CAPS2: variants seen among roughly 807,000 people sequenced by gnomAD.
The protein encoded by CAPS2 is calcyphosin-2.
CAPS2 carries 98 observed loss-of-function variants against 86.5 expected under a neutral mutation model. The ratio of observed to expected loss-of-function variants is 1.13; its 90% CI spans 0.96 to 1.34. The LOEUF is 1.34. Ranked by LOEUF, CAPS2 falls within the 40% of genes most tolerant of loss-of-function variation. The pLI, the probability that CAPS2 is intolerant of heterozygous loss-of-function variation, is 0.00. For missense variants in CAPS2, 729 were observed against 686.8 expected (o/e 1.06, Z -0.69); for synonymous variants, 210 against 225.1 (o/e 0.93, Z 0.60).
chr12:75,390,754 T>G lies in CAPS2; in HGVS notation c.-395+84A>C. 6.1e-6 allele frequency: 3 copies of G among 494,348 alleles called. No homozygotes were observed. The East Asian group carries it at 1.9e-4, about 31-fold the overall frequency. The allele number at this position is 494,348 out of a possible 1,614,324, so 30.6% of individuals were successfully genotyped here. On this transcript the variant is annotated intron_variant, in intron 1 of 5. Coordinates refer to the CAPS2 transcript ENST00000551829. The stretch of plus-strand genomic sequence containing the variant: ...ATTTACCATACAAACTGATGACTCA[T>G]TAATAACGACATATCATTCAGTGTC...
At chr12:75,315,473 T>G (rs2039661495) in intron 6 of CAPS2, among the ~76,000 whole-genome samples, 2 of 152,130 alleles carry the variant, frequency 1.3e-5, no homozygotes, top group South Asian at 4.1e-4. Flanking sequence ...ACTTGGGACA[T>G]CCACAGAAAA....
At chr12:75,328,909 T>C (rs2041039488), upstream of CAPS2, among the ~76,000 whole-genome samples, 1 of 152,184 alleles carries the variant, frequency 6.6e-6, no homozygotes, top group African/African-American at 2.4e-5. Flanking sequence ...GGCAATGCCG[T>C]CATACATGGA....
At chr12:75,293,355 T>G in exon 12 of CAPS2, 2 of 1,610,138 alleles carry the variant, frequency 1.2e-6, no homozygotes, top group Non-Finnish European at 1.7e-6. Flanking sequence ...CTCAAAAATG[T>G]CAAGGTTGCA....
chr12:75,285,515 T>C (rs1048767420), intron 14 of CAPS2, among the ~76,000 whole-genome samples: 1 of 151,952 alleles, frequency 6.6e-6, no homozygotes, highest in Non-Finnish European at 1.5e-5. Flanking sequence ...TATTATAAAC[T>C]ATAGTTTCCA....
At chr12:75,340,562 A>T (rs1482250892) in intron 1 of CAPS2, among the ~76,000 whole-genome samples, 1 of 152,072 alleles carries the variant, frequency 6.6e-6, no homozygotes, top group Non-Finnish European at 1.5e-5. Context: ...ACCGAAAACT[A>T]TTTTTAAAAA....
chr12:75,317,704 T>C (rs1221569782), intron 5 of CAPS2, among the ~76,000 whole-genome samples: 1 of 152,150 alleles, frequency 6.6e-6, no homozygotes, highest in Non-Finnish European at 1.5e-5. Context: ...AAATTGTAAA[T>C]ATGCAATGTG....
chr12:75,335,044 G>T (rs1426329305), upstream of CAPS2: 3 of 737,624 alleles, frequency 4.1e-6, no homozygotes, highest in East Asian at 5.4e-5. Flanking sequence ...TCACACCTTG[G>T]TTGGGCTGTC....
chr12:75,276,322 A>G, downstream of CAPS2: 4 of 1,492,860 alleles, frequency 2.7e-6, no homozygotes, highest in Non-Finnish European at 3.6e-6. Flanking sequence ...TCATAAAAGC[A>G]TGTTACATAA....
intron 1 of CAPS2, among the ~76,000 whole-genome samples, chr12:75,368,049 T>G (rs1033270560): frequency 1.3e-5 from 2 of 152,108 alleles, no homozygotes; most frequent in African/African-American, 2.4e-5. Context: ...ATAATGCTAT[T>G]TCTTTCCTTT....
chr12:75,277,675 A>G, exon 17 of CAPS2: 1 of 979,540 alleles, frequency 1.0e-6, no homozygotes, highest in Middle Eastern at 5.3e-4. Context: ...CACACTTCTC[A>G]TGTTGCTGCC....
intron 1 of CAPS2, chr12:75,371,454 A>G (rs768436629): frequency 5.1e-5 from 18 of 352,114 alleles, no homozygotes; most frequent in South Asian, 3.8e-4. Context: ...ATACTCTCAC[A>G]GACACACCCA....
At chr12:75,370,016 AAATT>A in intron 1 of CAPS2, 2 of 1,198,892 alleles carry the variant, frequency 1.7e-6, no homozygotes, top group Non-Finnish European at 2.4e-6. Flanking sequence ...AGTATTAATT[AAATT>A]ATTTCCTCCC....
intron 1 of CAPS2, among the ~76,000 whole-genome samples, chr12:75,387,939 T>C (rs992720354): frequency 3.9e-5 from 6 of 152,124 alleles, no homozygotes; most frequent in East Asian, 1.9e-4. Flanking sequence ...TCCAAAGGAG[T>C]TGAAAACTTA....
At chr12:75,375,990 A>G (rs1401969352) in intron 1 of CAPS2, among the ~76,000 whole-genome samples, 1 of 152,190 alleles carries the variant, frequency 6.6e-6, no homozygotes, top group East Asian at 1.9e-4. Flanking sequence ...TCTGTTTTGC[A>G]AGGTATTGGT....
intron 1 of CAPS2, among the ~76,000 whole-genome samples, chr12:75,350,483 C>A (rs992040797): frequency 1.3e-5 from 2 of 152,154 alleles, no homozygotes; most frequent in African/African-American, 2.4e-5. Context: ...ACAGAATGCC[C>A]AGTGGAAAGA....
intron 8 of CAPS2, among the ~76,000 whole-genome samples, chr12:75,303,050 T>C (rs1255024629): frequency 1.3e-5 from 2 of 152,206 alleles, no homozygotes; most frequent in Non-Finnish European, 1.5e-5. Flanking sequence ...TGAGTACATA[T>C]GTTTACCAAA....
intron 1 of CAPS2, among the ~76,000 whole-genome samples, chr12:75,387,540 G>A (rs1248059532): frequency 6.6e-6 from 1 of 152,168 alleles, no homozygotes; most frequent in African/African-American, 2.4e-5. Context: ...GCCATAGTCT[G>A]TTTAATGTTG....
chr12:75,299,322 A>G (rs1593343635), intron 9 of CAPS2, among the ~76,000 whole-genome samples: 1 of 152,186 alleles, frequency 6.6e-6, no homozygotes, highest in East Asian at 1.9e-4. Context: ...ATTGTCATAG[A>G]AAGCTTTAAA....
intron 1 of CAPS2, among the ~76,000 whole-genome samples, chr12:75,340,946 A>G (rs1305538474): frequency 6.6e-6 from 1 of 152,090 alleles, no homozygotes; most frequent in Non-Finnish European, 1.5e-5. Flanking sequence ...TGGTGAAGAT[A>G]TGGAGAAAAT....
Sources: gnomAD v4.1 joint callset for allele counts (sites outside exome capture counted in the v4.1 genomes callset) on GRCh38, gnomAD v4.1.1 for gene constraint, MANE v1.5 for transcripts, NCBI Gene and HGNC (gene_info 2026-07-23, HGNC 2026-07-21) for gene names.